The following SLIT2 variants were observed in gnomAD, a reference collection of about 807,000 sequenced individuals.
SLIT2 encodes the protein slit homolog 2 protein.
In SLIT2, 41 loss-of-function variants were observed where a neutral mutation model predicts 185.7. That is an observed-to-expected ratio of 0.22 (90% CI 0.17 to 0.29). The LOEUF is 0.29. Ranked by LOEUF, SLIT2 falls within the 10% of genes least tolerant of loss-of-function variation. The pLI, the probability that SLIT2 is intolerant of heterozygous loss-of-function variation, is 1.00. For missense variants in SLIT2, 1,571 were observed against 1,909.0 expected (o/e 0.82, Z 3.30); for synonymous variants, 693 against 680.2 (o/e 1.02, Z -0.29).
intron 34 of SLIT2, among the ~76,000 whole-genome samples, chr4:20,614,270 T>G (rs1729465965): frequency 6.6e-6 from 1 of 152,168 alleles, no homozygotes; most frequent in Admixed American, 6.5e-5. Flanking sequence ...GCCCCATGCA[T>G]GGAAATCCAT....
chr4:20,381,897 C>T (rs1724549823), intron 4 of SLIT2, among the ~76,000 whole-genome samples: 1 of 151,040 alleles, frequency 6.6e-6, no homozygotes, highest in Non-Finnish European at 1.5e-5. Context: ...TTCATAAATA[C>T]ATAATACATA....
chr4:20,493,982 CCAGGAAACAAGTTGTAAA>C (rs1158485481), intron 9 of SLIT2, among the ~76,000 whole-genome samples: 1 of 152,064 alleles, frequency 6.6e-6, no homozygotes, highest in Non-Finnish European at 1.5e-5. Context: ...TGAGATAGTA[CCAGGAAACAAGTTGTAAA>C]TATACATTGG....
At chr4:20,472,381 T>G (rs1408514205) in intron 5 of SLIT2, among the ~76,000 whole-genome samples, 4 of 46,344 alleles carry the variant, frequency 8.6e-5, no homozygotes, top group African/African-American at 3.3e-4. Flanking sequence ...TATATCTATA[T>G]ATATGTAGAT....
intron 4 of SLIT2, among the ~76,000 whole-genome samples, chr4:20,330,523 G>T (rs898253182): frequency 6.6e-6 from 1 of 152,054 alleles, no homozygotes; most frequent in African/African-American, 2.4e-5. Flanking sequence ...TATAACTTAT[G>T]ATTCATAGCA....
chr4:20,569,632 G>T (rs1158494705), intron 29 of SLIT2, among the ~76,000 whole-genome samples: 9 of 151,890 alleles, frequency 5.9e-5, no homozygotes, highest in African/African-American at 2.2e-4. Context: ...TGTCTGTTTT[G>T]TCAGAATTGA....
intron 4 of SLIT2, among the ~76,000 whole-genome samples, chr4:20,429,657 C>T (rs2109494822): frequency 1.3e-5 from 2 of 152,270 alleles, no homozygotes; most frequent in Non-Finnish European, 2.9e-5. Flanking sequence ...GGATCAGAGA[C>T]AGCCTCTTTG....
intron 26 of SLIT2, among the ~76,000 whole-genome samples, chr4:20,560,373 C>T (rs1038670413): frequency 6.6e-6 from 1 of 151,796 alleles, no homozygotes; most frequent in African/African-American, 2.4e-5. Flanking sequence ...TTATGGTAAA[C>T]TCTCATCATT....
Position 20,421,779 on chromosome 4 carries a change from C to G in SLIT2, c.396-45973C>G, listed in dbSNP as rs376480808. Among the ~76,000 whole-genome samples, 220 of 152,284 alleles carry G rather than the reference C, an allele frequency of 1.4e-3. 1 individual carries two copies. The highest frequency in any genetic ancestry group is 2.1e-3 in the Admixed American group (32 of 15,282). On this transcript the variant is annotated intron_variant, in intron 4 of 36. Transcript: ENST00000504154. ...AATCCAGCTCTGATGTCAAGAGGCT[C>G]TAAGCATTTTGCAATTCTTAACGGA...
chr4:20,577,461 G>A (rs1052646888), intron 29 of SLIT2, among the ~76,000 whole-genome samples: 10 of 152,144 alleles, frequency 6.6e-5, no homozygotes, highest in South Asian at 6.2e-4. Flanking sequence ...GATTATGTAC[G>A]TGTCCCATTT....
intron 4 of SLIT2, among the ~76,000 whole-genome samples, chr4:20,375,678 A>C (rs187893079): frequency 2.0e-5 from 3 of 152,086 alleles, no homozygotes; most frequent in African/African-American, 7.2e-5. Flanking sequence ...TTTAAATTTC[A>C]TCAGTTGATA....
intron 9 of SLIT2, among the ~76,000 whole-genome samples, chr4:20,507,168 A>G (rs542840565): frequency 9.2e-5 from 14 of 151,780 alleles, no homozygotes; most frequent in African/African-American, 3.1e-4. Flanking sequence ...TTTTATCATG[A>G]CTCTTCTTTG....
chr4:20,463,133 G>A lies in SLIT2; in HGVS notation c.396-4619G>A, dbSNP rs558596268. Among the ~76,000 whole-genome samples the A allele has an allele frequency of 2.0e-5, 3 of 152,118 alleles. No homozygotes were observed. The South Asian group carries it at 6.2e-4, about 32-fold the overall frequency. On this transcript the variant is annotated intron_variant, in intron 4 of 36. Coordinates refer to ENST00000504154, the MANE Select transcript of SLIT2 (RefSeq NM_004787.4). The stretch of plus-strand genomic sequence containing the variant: ...CCCAAGGTCCCATGACTAATAAATG[G>A]TAGAACTAGAATTTAATTTCAGATA...
In SLIT2 at chr4:20,617,463, C is replaced by G. The variant is rs1362398445; in HGVS notation, c.4161C>G (p.Pro1387=). The part of the protein sequence containing the change: ...GNKCVHGTCL[P]INAFSYSCKC... ...GATGCGTACATGGCACCTGCTTGCC[C>G]ATCAATGCGTTCTCCTACAGCTGTA... The change falls in exon 36 of 37, where the codon CCC becomes CCG. Residue 1387 remains proline, a synonymous_variant. Coordinates refer to ENST00000504154, the MANE Select transcript of SLIT2 (RefSeq NM_004787.4). 6.2e-7 allele frequency: 1 copy of G among 1,614,108 alleles called. No individual in the cohort carries two copies. Among genetic ancestry groups the G allele is most frequent in the East Asian group, 2.2e-5 (1 of 44,848 alleles).
At chr4:20,472,068 A>T (rs1286914565) in intron 5 of SLIT2, among the ~76,000 whole-genome samples, 2 of 150,908 alleles carry the variant, frequency 1.3e-5, no homozygotes, top group Admixed American at 6.6e-5. Flanking sequence ...TATAATGGTC[A>T]CTGGTGGTAC....
chr4:20,293,977 A>G (rs1387334015), intron 4 of SLIT2, among the ~76,000 whole-genome samples: 2 of 151,968 alleles, frequency 1.3e-5, no homozygotes, highest in Non-Finnish European at 2.9e-5. Flanking sequence ...TCAATATTTA[A>G]AGACACCTAC....
chr4:20,528,471 T>A lies in SLIT2; in HGVS notation c.1463-478T>A, dbSNP rs1721497934. On this transcript the variant is annotated intron_variant, in intron 15 of 36. Transcript: ENST00000504154. The surrounding 1 kb of genome is among the most constrained non-coding windows in gnomAD (Gnocchi z 4.2). ...GAAAAAAGAGGGCTTTTTAGGCATC[T>A]CCGAGATTATGTGAGAGGGAGAGAA... is the stretch of plus-strand genomic sequence containing the variant. 2.4e-6 allele frequency: 1 copy of A among 424,780 alleles called. No homozygotes were observed. The highest frequency in any genetic ancestry group is 4.8e-6 in the Non-Finnish European group (1 of 206,560). 26.3% of individuals were successfully genotyped at this position (424,780 alleles called of 1,614,324 possible).
At chr4:20,530,684 T>A (rs114266618) in intron 16 of SLIT2, among the ~76,000 whole-genome samples, 1,891 of 152,270 alleles carry the variant, frequency 0.012, 18 homozygotes, top group Middle Eastern at 0.02. Flanking sequence ...ATTTATAATT[T>A]TTTTAATTAT....
intron 4 of SLIT2, among the ~76,000 whole-genome samples, chr4:20,312,636 G>A (rs1049079131): frequency 1.3e-5 from 2 of 151,558 alleles, no homozygotes; most frequent in South Asian, 4.2e-4. Context: ...TAGCGGGTTT[G>A]TTGGCGCGCA....
intron 4 of SLIT2, among the ~76,000 whole-genome samples, chr4:20,407,743 T>C (rs935469167): frequency 1.3e-5 from 2 of 152,196 alleles, no homozygotes; most frequent in Non-Finnish European, 2.9e-5. Flanking sequence ...ATATGAGATG[T>C]CTCAGGCTTT....
Sources: gnomAD v4.1 joint callset for allele counts (sites outside exome capture counted in the v4.1 genomes callset) on GRCh38, gnomAD v4.1.1 for gene constraint, Gnocchi (gnomAD v3.1) non-coding constraint, MANE v1.5 for transcripts, NCBI Gene and HGNC (gene_info 2026-07-23, HGNC 2026-07-21) for gene names.